The following RPS6KA2 variants were observed in gnomAD, a reference collection of about 807,000 sequenced individuals.
The protein encoded by RPS6KA2 is ribosomal protein S6 kinase A2.
In RPS6KA2, 42 loss-of-function variants were observed where a neutral mutation model predicts 91.8. The observed-to-expected ratio is 0.46, with a 90% CI of 0.36 to 0.59. The LOEUF (loss-of-function observed/expected upper bound fraction) is 0.59. Among genes scored for constraint, RPS6KA2 ranks in the 20% least tolerant of loss-of-function variants. The probability of loss-of-function intolerance (pLI) is 0.00; values close to 1 mark genes in which losing one functional copy is unlikely to be tolerated. For synonymous variants in RPS6KA2, 414 were observed against 393.6 expected, an observed-to-expected ratio of 1.05 and a Z score of -0.61; for missense variants, 798 against 978.5, an observed-to-expected ratio of 0.82 and a Z score of 2.46.
At chr6:166,541,676 G>A (rs1183410678) in intron 1 of RPS6KA2, among the ~76,000 whole-genome samples, 3 of 151,800 alleles carry the variant, frequency 2.0e-5, no homozygotes, top group Non-Finnish European at 2.9e-5. Context: ...CCGCCTCCCC[G>A]GTCCATGCCA....
intron 1 of RPS6KA2, among the ~76,000 whole-genome samples, chr6:166,574,240 G>A (rs548066255): frequency 6.6e-6 from 1 of 152,202 alleles, no homozygotes. Flanking sequence ...CTGTGGCCTG[G>A]GGTATGGGTG....
chr6:166,617,347 T>G (rs1185866499), intron 1 of RPS6KA2, among the ~76,000 whole-genome samples: 5 of 152,240 alleles, frequency 3.3e-5, no homozygotes, highest in Non-Finnish European at 5.9e-5. Context: ...TTTAAGATAT[T>G]TTGTTGCTTT....
chr6:166,633,338 A>G (rs1005001491), intron 2 of RPS6KA2, among the ~76,000 whole-genome samples: 1 of 152,210 alleles, frequency 6.6e-6, no homozygotes, highest in Non-Finnish European at 1.5e-5. Flanking sequence ...GCCAGTGTGT[A>G]AGGATGGGAT....
At chr6:166,641,717 CACAAAAAAAAAAAAAAA>C (rs1787439187) in intron 2 of RPS6KA2, among the ~76,000 whole-genome samples, 1 of 13,202 alleles carries the variant, frequency 7.6e-5, no homozygotes, top group Non-Finnish European at 1.4e-4. Context: ...GAGACTCTGT[CACAAAAAAAAAAAAAAA>C]AAAAAAAAAA....
chr6:166,774,884 A>T (rs1778572845), intron 2 of RPS6KA2, among the ~76,000 whole-genome samples: 1 of 151,084 alleles, frequency 6.6e-6, no homozygotes, highest in East Asian at 1.9e-4. Context: ...GAGGAGTCGG[A>T]TCCCCAGGTG....
intron 3 of RPS6KA2, among the ~76,000 whole-genome samples, chr6:166,526,611 A>G (rs1783052388): frequency 6.6e-6 from 1 of 152,110 alleles, no homozygotes; most frequent in South Asian, 2.1e-4. Context: ...CTGCCCCCTA[A>G]AGTGCTGGGA....
chr6:166,452,652 G>C (rs987624312), intron 12 of RPS6KA2, among the ~76,000 whole-genome samples: 1 of 152,108 alleles, frequency 6.6e-6, no homozygotes, highest in African/African-American at 2.4e-5. Flanking sequence ...GAACAGAATA[G>C]AAAACCCAGA....
At chr6:166,629,089 C>T (rs543296941), upstream of RPS6KA2, among the ~76,000 whole-genome samples, 2 of 152,326 alleles carry the variant, frequency 1.3e-5, no homozygotes, top group South Asian at 2.1e-4. Flanking sequence ...CATCCTGGCT[C>T]TAGGCAAACA....
chr6:166,727,205 C>G (rs1220128836), intron 2 of RPS6KA2, among the ~76,000 whole-genome samples: 2 of 152,004 alleles, frequency 1.3e-5, no homozygotes, highest in South Asian at 4.2e-4. Context: ...CCTCACATGT[C>G]GTTCAACAGG....
chr6:166,516,347 T>C (rs1018880064), intron 3 of RPS6KA2, among the ~76,000 whole-genome samples: 4 of 152,024 alleles, frequency 2.6e-5, no homozygotes, highest in South Asian at 2.1e-4. Context: ...GTCAGAAAGA[T>C]TTCTCTCAAA....
chr6:166,740,987 G>C (rs1043973348), intron 2 of RPS6KA2, among the ~76,000 whole-genome samples: 1 of 152,216 alleles, frequency 6.6e-6, no homozygotes, highest in Non-Finnish European at 1.5e-5. Flanking sequence ...GTCACGACAC[G>C]GCTCCATGCC....
chr6:166,523,183 G>A (rs1562554812), intron 3 of RPS6KA2, among the ~76,000 whole-genome samples: 2 of 152,216 alleles, frequency 1.3e-5, no homozygotes, highest in African/African-American at 4.8e-5. Context: ...ATGCCTGTTA[G>A]GTAAGGGTGA....
At chr6:166,453,919 G>A (rs570467980) in intron 12 of RPS6KA2, among the ~76,000 whole-genome samples, 1 of 152,316 alleles carries the variant, frequency 6.6e-6, no homozygotes, top group African/African-American at 2.4e-5. Context: ...TGGAAAAGAA[G>A]GCCATTATTT....
At chr6:166,697,242 T>C (rs1350311786) in intron 2 of RPS6KA2, among the ~76,000 whole-genome samples, 5 of 152,118 alleles carry the variant, frequency 3.3e-5, no homozygotes, top group Non-Finnish European at 7.4e-5. Context: ...ATATAAGCTA[T>C]AGGATATCCC....
In RPS6KA2 at chr6:166,648,215, C is replaced by T. The variant is rs1787726772; in HGVS notation, c.124-109431G>A. Among the ~76,000 whole-genome samples the T allele has an allele frequency of 6.6e-6, 1 of 151,592 alleles. No homozygotes were observed. The highest frequency in any genetic ancestry group is 1.5e-5 in the Non-Finnish European group (1 of 67,910). ...ATGCTCATACACACACTCATGCACACACACGCACATGCGCACACACACACA... is the reference window on the plus strand; with the variant it reads ...ATGCTCATACACACACTCATGCACATACACGCACATGCGCACACACACACA... On this transcript the variant is annotated intron_variant, in intron 2 of 21. Transcript: ENST00000503859. This position sits in a 1 kb window ranked among gnomAD's most constrained non-coding sequence, Gnocchi z 4.8.
intron 2 of RPS6KA2, among the ~76,000 whole-genome samples, chr6:166,749,795 A>G (rs1387418666): frequency 3.8e-5 from 4 of 105,612 alleles, no homozygotes; most frequent in Non-Finnish European, 8.3e-5. Context: ...CCCCATCTCC[A>G]TCCTCCTTAA....
intron 1 of RPS6KA2, among the ~76,000 whole-genome samples, chr6:166,616,651 C>T (rs1193381937): frequency 6.6e-6 from 1 of 152,162 alleles, no homozygotes; most frequent in Non-Finnish European, 1.5e-5. Context: ...CCATCCTTCC[C>T]ATCCATCCTC....
chr6:166,688,643 G>A (rs531756047), intron 2 of RPS6KA2, among the ~76,000 whole-genome samples: 23 of 152,364 alleles, frequency 1.5e-4, no homozygotes, highest in Non-Finnish European at 3.1e-4. Context: ...CAGGTAGGGG[G>A]CGGGAAGGCG....
At chr6:166,721,369 C>T (rs1047996141) in intron 2 of RPS6KA2, among the ~76,000 whole-genome samples, 1 of 152,210 alleles carries the variant, frequency 6.6e-6, no homozygotes, top group Non-Finnish European at 1.5e-5. Context: ...GGCCAGGACC[C>T]GGGAGCACAG....
Sources: gnomAD v4.1 joint callset for allele counts (sites outside exome capture counted in the v4.1 genomes callset) on GRCh38, gnomAD v4.1.1 for gene constraint, Gnocchi (gnomAD v3.1) non-coding constraint, MANE v1.5 for transcripts, NCBI Gene and HGNC (gene_info 2026-07-23, HGNC 2026-07-21) for gene names.